The following THRB variants were observed in gnomAD, a reference collection of about 807,000 sequenced individuals.
The protein encoded by THRB is thyroid hormone receptor beta, also known as nuclear receptor subfamily 1 group A member 2.
THRB carries 12 observed loss-of-function variants against 47.8 expected under a neutral mutation model. The observed-to-expected ratio is 0.25, with a 90% confidence interval of 0.16 to 0.41. The LOEUF (loss-of-function observed/expected upper bound fraction) is 0.41, where lower values mean the gene tolerates loss of function less well. Among genes scored for constraint, THRB ranks in the 10% least tolerant of loss-of-function variants. The pLI, the probability that THRB is intolerant of heterozygous loss-of-function variation, is 1.00. For missense variants in THRB, 348 were observed against 589.2 expected (o/e 0.59, Z 4.24); for synonymous variants, 218 against 212.2 (o/e 1.03, Z -0.24).
chr3:24,382,936 T>C (rs1413505310), intron 1 of THRB, among the ~76,000 whole-genome samples: 1 of 152,144 alleles, frequency 6.6e-6, no homozygotes, highest in Non-Finnish European at 1.5e-5. Flanking sequence ...GAATGAGCTA[T>C]GGTCCTGCTG....
intron 4 of THRB, among the ~76,000 whole-genome samples, chr3:24,206,558 T>C (rs1019437350): frequency 2.0e-5 from 3 of 152,134 alleles, no homozygotes; most frequent in Non-Finnish European, 1.5e-5. Flanking sequence ...AGGAAAGATC[T>C]AAAATCGACA....
chr3:24,245,490 GC>G (rs1420093323), intron 3 of THRB, among the ~76,000 whole-genome samples: 2 of 152,122 alleles, frequency 1.3e-5, no homozygotes, highest in African/African-American at 4.8e-5. Context: ...AGTGCAGAGG[GC>G]CATTAGTGTG....
intron 3 of THRB, among the ~76,000 whole-genome samples, chr3:24,254,277 C>A (rs2051003381): frequency 1.4e-5 from 2 of 141,488 alleles, no homozygotes; most frequent in Admixed American, 1.5e-4. Flanking sequence ...TGTCTGTAGT[C>A]CCAGCTACTC....
At chr3:24,138,014 G>A (rs1431424939) in intron 8 of THRB, among the ~76,000 whole-genome samples, 1 of 151,800 alleles carries the variant, frequency 6.6e-6, no homozygotes, top group African/African-American at 2.4e-5. Flanking sequence ...AGATTCAGGT[G>A]TGTGTTCAGG....
intron 1 of THRB, among the ~76,000 whole-genome samples, chr3:24,488,320 T>C (rs1697612255): frequency 6.6e-6 from 1 of 152,240 alleles, no homozygotes; most frequent in Non-Finnish European, 1.5e-5. Context: ...ACCAATCCTT[T>C]CCTAATTGTG....
At chr3:24,253,638 A>G (rs2050896693) in intron 3 of THRB, among the ~76,000 whole-genome samples, 1 of 152,208 alleles carries the variant, frequency 6.6e-6, no homozygotes, top group African/African-American at 2.4e-5. Context: ...GGGGCTGTGG[A>G]AAGAGTTTTG....
At position 24,308,000 on chromosome 3, in the gene THRB, C is replaced by T. The variant is rs962034457; in HGVS notation, c.-188-10629G>A. Among the ~76,000 whole-genome samples, 34 of 152,084 alleles carry T rather than the reference C, an allele frequency of 2.2e-4. 1 individual carries two copies. The highest frequency in any genetic ancestry group is 1.9e-3 in the Admixed American group (29 of 15,256). Reference sequence around the variant, plus strand: ...GCAGCCTCTGTGAATTTTGCCCATCCGGCAAAGAAAGTGAGAGGTTGAGTT... The same window carrying T: ...GCAGCCTCTGTGAATTTTGCCCATCTGGCAAAGAAAGTGAGAGGTTGAGTT... On this transcript the variant is annotated intron_variant, in intron 2 of 10. Transcript: ENST00000646209.
At chr3:24,205,482 C>G (rs891755178) in intron 4 of THRB, among the ~76,000 whole-genome samples, 2 of 152,180 alleles carry the variant, frequency 1.3e-5, no homozygotes, top group Admixed American at 6.5e-5. Flanking sequence ...GCCTGCCCTA[C>G]AAGAGCTCCT....
intron 3 of THRB, among the ~76,000 whole-genome samples, chr3:24,242,998 G>A (rs2049708528): frequency 6.7e-6 from 1 of 149,912 alleles, no homozygotes; most frequent in Admixed American, 6.7e-5. Context: ...CAAATCAGGG[G>A]GACTACTTAG....
At chr3:24,151,750 G>A (rs900432852) in intron 6 of THRB, among the ~76,000 whole-genome samples, 3 of 152,224 alleles carry the variant, frequency 2.0e-5, no homozygotes, top group African/African-American at 2.4e-5. Context: ...GTTTCAGGAA[G>A]TGAATGGACT....
chr3:24,407,073 T>C (rs555878924), intron 1 of THRB, among the ~76,000 whole-genome samples: 3 of 151,728 alleles, frequency 2.0e-5, no homozygotes, highest in Middle Eastern at 3.4e-3. Context: ...TAAACTGAAC[T>C]GAGAAAACAA....
chr3:24,197,518 C>T (rs1032549223), intron 4 of THRB, among the ~76,000 whole-genome samples: 9 of 152,180 alleles, frequency 5.9e-5, no homozygotes, highest in South Asian at 2.1e-4. Context: ...ATGGTACATG[C>T]GCCCTTTTCC....
chr3:24,127,443 G>A, intron 10 of THRB, 56 bp downstream of exon 10: 1 of 1,593,754 alleles, frequency 6.3e-7, no homozygotes, highest in Non-Finnish European at 8.6e-7. Context: ...ATTGGAATTA[G>A]CGCTAGACAA....
At chr3:24,228,709 A>C (rs2047944517) in intron 4 of THRB, among the ~76,000 whole-genome samples, 2 of 152,132 alleles carry the variant, frequency 1.3e-5, no homozygotes, top group Non-Finnish European at 2.9e-5. Context: ...AGGATGGCTA[A>C]AAATGAATAG....
At position 24,479,511 on chromosome 3, in the gene THRB, T is replaced by C. The variant is rs73823309; in HGVS notation, c.-261+15141A>G. Reference sequence around the variant, plus strand: ...TGCACTCACCATGACCAGTAGGCTGTCTCAGGTGGAAAGTAAGGTCTTAGA... The same window carrying C: ...TGCACTCACCATGACCAGTAGGCTGCCTCAGGTGGAAAGTAAGGTCTTAGA... On this transcript the variant is annotated intron_variant, in intron 1 of 10. Coordinates refer to ENST00000646209, the MANE Select transcript of THRB (RefSeq NM_001354712.2). Among the ~76,000 whole-genome samples, 1,113 of 152,144 alleles carry C rather than the reference T, an allele frequency of 7.3e-3. 12 individuals are homozygous for C. The highest frequency in any genetic ancestry group is 0.019 in the African/African-American group (809 of 41,502).
chr3:24,362,832 G>A (rs1161795840), intron 1 of THRB, among the ~76,000 whole-genome samples: 1 of 152,166 alleles, frequency 6.6e-6, no homozygotes, highest in Non-Finnish European at 1.5e-5. Flanking sequence ...TTGTTAGAGG[G>A]ATGTAAGCCA....
chr3:24,372,073 T>C (rs1027100784), intron 1 of THRB, among the ~76,000 whole-genome samples: 1 of 152,090 alleles, frequency 6.6e-6, no homozygotes, highest in African/African-American at 2.4e-5. Context: ...TGGACTTCCA[T>C]GACAAATCTG....
chr3:24,122,637 C>T lies in THRB; in HGVS notation c.*247G>A, dbSNP rs922717497. ...GTGCTGGTGAGTTAATGATTGTCCCCCACCCCACCTCCACAACCATAAAAC... is the reference window on the plus strand; with the variant it reads ...GTGCTGGTGAGTTAATGATTGTCCCTCACCCCACCTCCACAACCATAAAAC... On this transcript the variant is annotated 3_prime_UTR_variant, in exon 11 of 11. Coordinates refer to ENST00000646209, the MANE Select transcript of THRB (RefSeq NM_001354712.2). 7.4e-6 allele frequency: 4 copies of T among 540,424 alleles called. No homozygotes were observed. The highest frequency in any genetic ancestry group is 3.1e-5 in the Admixed American group (1 of 32,298). The allele number at this position is 540,424 out of a possible 1,614,324, so 33.5% of individuals were successfully genotyped here.
intron 1 of THRB, among the ~76,000 whole-genome samples, chr3:24,393,194 A>C (rs1204558367): frequency 6.6e-6 from 1 of 152,090 alleles, no homozygotes; most frequent in Admixed American, 6.6e-5. Context: ...TTTACATCAT[A>C]ATCTGCAGAA....
Sources: allele counts gnomAD v4.1 joint callset (sites outside exome capture counted in the v4.1 genomes callset), GRCh38; gene constraint gnomAD v4.1.1; transcripts MANE v1.5; gene names NCBI Gene and HGNC (gene_info 2026-07-23, HGNC 2026-07-21).